PICALM: variants seen among roughly 807,000 people sequenced by gnomAD.
PICALM encodes the protein phosphatidylinositol binding clathrin assembly protein.
A neutral mutation model predicts 80.5 loss-of-function variants in PICALM; 40 were observed. The observed-to-expected ratio is 0.50, with a 90% CI of 0.39 to 0.65. The LOEUF (loss-of-function observed/expected upper bound fraction) is 0.65. PICALM is among the 30% of genes least tolerant of loss of function. The pLI, the probability that PICALM is intolerant of heterozygous loss-of-function variation, is 0.00. For synonymous variants in PICALM, 288 were observed against 260.3 expected (o/e 1.11, Z -1.02); for missense variants, 676 against 778.9 (o/e 0.87, Z 1.57).
At chr11:86,023,355 A>G in intron 3 of PICALM, 1 of 494,334 alleles carries the variant, frequency 2.0e-6, no homozygotes, top group Non-Finnish European at 2.6e-6. Flanking sequence ...ATTAAGTACC[A>G]GTGGAGAAAA....
In PICALM at chr11:86,027,635, C is replaced by T. The variant is rs143225900; in HGVS notation, c.274-1268G>A. ...ATGAAGCACCACCCACCATCCACCCCTCACCCTCGCCCCCAAGTAGCTGGG... is the reference window on the plus strand; with the variant it reads ...ATGAAGCACCACCCACCATCCACCCTTCACCCTCGCCCCCAAGTAGCTGGG... On this transcript the variant is annotated intron_variant, in intron 2 of 19. Transcript: ENST00000393346. Among the ~76,000 whole-genome samples, 24 of 151,998 alleles carry T rather than the reference C, an allele frequency of 1.6e-4. 2 individuals carry two copies. In the East Asian group the frequency reaches 4.6e-3, roughly 29 times the overall value.
intron 1 of PICALM, among the ~76,000 whole-genome samples, chr11:86,045,542 A>AAAAAAG (rs2096059001): frequency 1.3e-5 from 2 of 148,158 alleles, no homozygotes; most frequent in Admixed American, 6.7e-5. Flanking sequence ...AAAAAAAAAA[A>AAAAAAG]AAAGACTCCA....
intron 5 of PICALM, among the ~76,000 whole-genome samples, chr11:86,013,296 CAG>C (rs1393089314): frequency 6.6e-6 from 1 of 151,820 alleles, no homozygotes; most frequent in African/African-American, 2.4e-5. Flanking sequence ...GCCAGGGTGA[CAG>C]AGAAAAATGC....
chr11:86,012,557 T>C (rs1053954563), intron 5 of PICALM, among the ~76,000 whole-genome samples, 165 bp from the exon 6 acceptor site: 1 of 152,248 alleles, frequency 6.6e-6, no homozygotes, highest in Non-Finnish European at 1.5e-5. Flanking sequence ...GTGCAGTAGC[T>C]ACCATATAAA....
intron 4 of PICALM, among the ~76,000 whole-genome samples, chr11:86,017,288 C>T (rs2095496497): frequency 1.3e-5 from 2 of 151,118 alleles, no homozygotes; most frequent in African/African-American, 4.9e-5. Flanking sequence ...CCAAATGAAT[C>T]CAAGATTAAA....
At chr11:86,066,785 A>C (rs1772972836) in intron 1 of PICALM, among the ~76,000 whole-genome samples, 2 of 152,176 alleles carry the variant, frequency 1.3e-5, no homozygotes, top group East Asian at 3.8e-4. Flanking sequence ...GCAACTAACA[A>C]AAGAATTAAC....
Position 85,981,213 on chromosome 11 carries a change from A to G in PICALM, c.1695T>C (p.Ser565=). ...CAGTTAACTTCTTTTCACCTGGTTG[A>G]CTCCAATTTACATCACTTTAAATAA... The part of the protein sequence containing the change: ...NGTTKNDVNW[S]QPGEKKLTGG... Residue 565 remains serine, a synonymous_variant, in exon 17 of 20, where the codon AGT becomes AGC. Transcript: ENST00000393346. 6.3e-7 allele frequency: 1 copy of G among 1,578,474 alleles called. No individual in the cohort carries two copies. The highest frequency in any genetic ancestry group is 8.7e-7 in the Non-Finnish European group (1 of 1,147,558).
At chr11:85,978,669 A>T (rs587038) in intron 17 of PICALM, 108,100 of 151,974 alleles carry the variant, frequency 0.71, 38,934 homozygotes, top group African/African-American at 0.85. Context: ...ATAAATATTT[A>T]AGCAAAATCC....
intron 4 of PICALM, among the ~76,000 whole-genome samples, chr11:86,021,164 A>G (rs2095555830): frequency 6.6e-6 from 1 of 152,150 alleles, no homozygotes; most frequent in African/African-American, 2.4e-5. Flanking sequence ...CCTTGGCAAC[A>G]TAGTGAGAAC....
chr11:85,974,809 G>A lies in PICALM; in HGVS notation c.1843C>T (p.Pro615Ser). Residue 615 changes from proline to serine, a missense_variant, in exon 19 of 20, where the codon CCA becomes TCA. Physicochemically the swap from Pro to Ser is moderately conservative, Grantham distance 74. This residue lies in a region of PICALM where 391 missense variants were observed against 383.6 expected (regional missense o/e 1.02). Transcript: ENST00000393346. ...PTGMIGYGIP[P>S]QMGSVPVMTQ... ...ATTACAGGAACACTTCCCATTTGTG[G>A]AGGCTAAAAAAGAGAAAAATATCAA... 1.2e-6 allele frequency: 2 copies of A among 1,609,636 alleles called. No individual in the cohort carries two copies. The highest frequency in any genetic ancestry group is 1.7e-6 in the Non-Finnish European group (2 of 1,176,008).
chr11:85,982,726 C>T (rs1381503812), intron 14 of PICALM, among the ~76,000 whole-genome samples: 5 of 151,884 alleles, frequency 3.3e-5, no homozygotes, highest in Non-Finnish European at 4.4e-5. Flanking sequence ...CGCGCCCGGC[C>T]GAGACCTTTT....
intron 1 of PICALM, among the ~76,000 whole-genome samples, chr11:86,036,478 T>G (rs1197669291): frequency 6.6e-6 from 1 of 152,196 alleles, no homozygotes; most frequent in Non-Finnish European, 1.5e-5. Context: ...CCTTAAGAAA[T>G]CTAACCAACA....
intron 1 of PICALM, among the ~76,000 whole-genome samples, chr11:86,055,732 T>G (rs1269622270): frequency 6.6e-6 from 1 of 152,144 alleles, no homozygotes; most frequent in Non-Finnish European, 1.5e-5. Flanking sequence ...AATTGATCAA[T>G]CTTAAATCTA....
intron 1 of PICALM, among the ~76,000 whole-genome samples, chr11:86,041,590 A>C (rs1031717210): frequency 1.3e-5 from 2 of 152,206 alleles, no homozygotes; most frequent in Non-Finnish European, 2.9e-5. Flanking sequence ...AACTCCTAAG[A>C]TACTATATAT....
chr11:86,069,213 C>A (rs1236953829), upstream of PICALM: 1 of 183,548 alleles, frequency 5.4e-6, no homozygotes, highest in East Asian at 9.0e-5. Context: ...CCTCGCTCAG[C>A]GAGGGAAGAG....
chr11:86,046,940 G>T (rs2096082253), intron 1 of PICALM, among the ~76,000 whole-genome samples: 1 of 152,160 alleles, frequency 6.6e-6, no homozygotes, highest in African/African-American at 2.4e-5. Flanking sequence ...GCTTGGCCAA[G>T]ATTTCTTTAT....
intron 7 of PICALM, among the ~76,000 whole-genome samples, chr11:86,008,273 GTCTCCCT>G: frequency 1.3e-5 from 2 of 152,088 alleles, no homozygotes; most frequent in Non-Finnish European, 2.9e-5. Flanking sequence ...TTTCTAATCA[GTCTCCCT>G]TCCTTTTGTG....
chr11:86,056,029 G>T (rs902928151), intron 1 of PICALM, among the ~76,000 whole-genome samples: 3 of 149,076 alleles, frequency 2.0e-5, no homozygotes, highest in Non-Finnish European at 3.0e-5. Flanking sequence ...CCAGCTACTC[G>T]GGAGGCTAAG....
chr11:86,069,417 G>A (rs2096488635), upstream of PICALM: 1 of 153,248 alleles, frequency 6.5e-6, no homozygotes, highest in Non-Finnish European at 1.5e-5. Flanking sequence ...GTGCTGGCGG[G>A]GGTGGGGCGG....
Sources: gnomAD v4.1 joint callset for allele counts (sites outside exome capture counted in the v4.1 genomes callset) on GRCh38, gnomAD v4.1.1 for gene constraint, gnomAD v4.1.1 regional missense constraint, MANE v1.5 for transcripts, NCBI Gene and HGNC (gene_info 2026-07-23, HGNC 2026-07-21) for gene names.